EFCAB7: variants seen among roughly 807,000 people sequenced by gnomAD.
The protein encoded by EFCAB7 is EF-hand calcium-binding domain-containing protein 7.
Under a neutral mutation model 77.1 loss-of-function variants are expected in EFCAB7, and 66 were observed. The observed-to-expected ratio is 0.86, with a 90% CI of 0.70 to 1.05. The LOEUF (loss-of-function observed/expected upper bound fraction) is 1.05, where lower values mean the gene tolerates loss of function less well. Ranked by LOEUF, EFCAB7 falls within the 50% of genes least tolerant of loss-of-function variation. The pLI, the probability that EFCAB7 is intolerant of heterozygous loss-of-function variation, is 0.00. For missense variants in EFCAB7, 638 were observed against 730.5 expected, an observed-to-expected ratio of 0.87 and a Z score of 1.46; for synonymous variants, 225 against 243.3, an observed-to-expected ratio of 0.92 and a Z score of 0.70.
At chr1:63,549,253 A>G (rs1451920220) in intron 7 of EFCAB7, 19 of 436,386 alleles carry the variant, frequency 4.4e-5, no homozygotes, top group Non-Finnish European at 7.4e-5. Context: ...AATGAAGACC[A>G]TAATAAAAGA....
Position 63,555,510 on chromosome 1 carries a change from A to G in EFCAB7, c.1209A>G (p.Glu403=). The G allele has an allele frequency of 6.2e-7, 1 of 1,611,336 alleles. No individual in the cohort carries two copies. The highest frequency in any genetic ancestry group is 8.5e-7 in the Non-Finnish European group (1 of 1,178,552). Residue 403 remains glutamate, a synonymous_variant, in exon 9 of 14, where the codon GAA becomes GAG. Transcript: ENST00000371088. ...CAGGGGAATTATTCCTTACAAAGGA[A>G]TTTAAGTAAGTTTTGTTTATTAATG... The part of the protein sequence containing the change: ...DETGELFLTK[E]FKSTLSDIFE...
downstream of EFCAB7, among the ~76,000 whole-genome samples, chr1:63,574,438 G>A (rs2100934894): frequency 6.6e-6 from 1 of 152,308 alleles, no homozygotes; most frequent in Admixed American, 6.5e-5. Context: ...AAGTTTCAGT[G>A]AGGGAGTAGG....
At chr1:63,531,487 A>G (rs1485945811) in intron 2 of EFCAB7, among the ~76,000 whole-genome samples, 1 of 152,082 alleles carries the variant, frequency 6.6e-6, no homozygotes, top group South Asian at 2.1e-4. Context: ...TTAATCTTGT[A>G]TTTCCTTTAG....
At chr1:63,540,653 G>T (rs142581332) in intron 6 of EFCAB7, among the ~76,000 whole-genome samples, 1,869 of 152,142 alleles carry the variant, frequency 0.012, 38 homozygotes, top group African/African-American at 0.043. Context: ...TGATGTTGTT[G>T]AAATATTATA....
At chr1:63,544,700 C>T (rs1646874857) in intron 6 of EFCAB7, among the ~76,000 whole-genome samples, 1 of 152,138 alleles carries the variant, frequency 6.6e-6, no homozygotes, top group South Asian at 2.1e-4. Context: ...CGTGAGCCAC[C>T]GCTCCCGGCC....
intron 11 of EFCAB7, among the ~76,000 whole-genome samples, chr1:63,565,561 A>G (rs926687182): frequency 2.0e-5 from 3 of 152,224 alleles, no homozygotes; most frequent in South Asian, 2.1e-4. Flanking sequence ...GCTTCTGTGC[A>G]GCAAAAGAAA....
At chr1:63,553,021 AAT>A (rs1356801934) in intron 8 of EFCAB7, among the ~76,000 whole-genome samples, 2 of 152,232 alleles carry the variant, frequency 1.3e-5, no homozygotes, top group African/African-American at 4.8e-5. Flanking sequence ...GCAAAATTAT[AAT>A]AGAGTTTGCA....
At chr1:63,561,975 T>A in intron 11 of EFCAB7, 118 bp downstream of exon 11, 1 of 604,008 alleles carries the variant, frequency 1.7e-6, no homozygotes, top group Non-Finnish European at 2.5e-6. Flanking sequence ...CTTTAGTATA[T>A]GAATGAATCC....
the EFCAB7 span, among the ~76,000 whole-genome samples, chr1:63,579,163 A>G: frequency 6.6e-6 from 1 of 152,184 alleles, no homozygotes; most frequent in Non-Finnish European, 1.5e-5. Flanking sequence ...CAGGATACAG[A>G]GCAGTCCCAT....
chr1:63,561,909 C>T (rs753739893), intron 11 of EFCAB7, 52 bp downstream of exon 11: 1 of 1,318,216 alleles, frequency 7.6e-7, no homozygotes, highest in Non-Finnish European at 1.0e-6. Flanking sequence ...TAATATTTTA[C>T]TTTATGAACA....
chr1:63,540,304 C>A (rs1646812681), intron 6 of EFCAB7, among the ~76,000 whole-genome samples: 1 of 141,880 alleles, frequency 7.0e-6, no homozygotes, highest in Non-Finnish European at 1.5e-5. Flanking sequence ...GTGGAGGTGG[C>A]AGTGGGCCGA....
chr1:63,555,331 T>C (rs1389940392), intron 8 of EFCAB7, 27 bp from the exon 9 acceptor site: 1 of 1,584,854 alleles, frequency 6.3e-7, no homozygotes, highest in Admixed American at 1.9e-5. Flanking sequence ...GACTGATGAT[T>C]GTTTTATTTC....
At chr1:63,552,773 A>G (rs549108391) in intron 8 of EFCAB7, among the ~76,000 whole-genome samples, 95 of 152,330 alleles carry the variant, frequency 6.2e-4, no homozygotes, top group African/African-American at 2.2e-3. Context: ...ATGACACACA[A>G]ACATTTCCCT....
At chr1:63,563,319 A>C (rs536960537) in intron 11 of EFCAB7, among the ~76,000 whole-genome samples, 26 of 152,364 alleles carry the variant, frequency 1.7e-4, no homozygotes, top group Admixed American at 4.6e-4. Context: ...TACAGTATAC[A>C]TTGGAAAGTA....
chr1:63,540,200 T>TA (rs1344271248), intron 6 of EFCAB7, among the ~76,000 whole-genome samples: 3 of 151,648 alleles, frequency 2.0e-5, no homozygotes, highest in Non-Finnish European at 1.5e-5. Flanking sequence ...CCATCTCTAC[T>TA]AAAAATACAA....
In EFCAB7 at chr1:63,534,214, A is replaced by C. The variant is rs1372949907; in HGVS notation, c.802A>C (p.Lys268Gln). 1 of 1,611,458 alleles carries C rather than the reference A, an allele frequency of 6.2e-7. No homozygotes were observed. Among genetic ancestry groups the C allele is most frequent in the South Asian group, 1.1e-5 (1 of 90,826 alleles). The stretch of plus-strand genomic sequence containing the variant: ...AAAGTTAATGGAGCCAAATTTAATA[A>C]AGGTATAGTATTTTAAGTTAACAGA... ...NSKLMEPNLI[K>Q]DWQHMQSKGC... Residue 268 changes from lysine to glutamine, a missense_variant and splice_region_variant, in exon 6 of 14, where the codon AAG becomes CAG. Transcript: ENST00000371088.
At chr1:63,533,822 T>C in intron 5 of EFCAB7, among the ~76,000 whole-genome samples, 173 bp downstream of exon 5, 1 of 152,170 alleles carries the variant, frequency 6.6e-6, no homozygotes, top group East Asian at 1.9e-4. Context: ...AAAATTTTAT[T>C]ATGGAACTTG....
chr1:63,542,099 A>C (rs761747205), intron 6 of EFCAB7, among the ~76,000 whole-genome samples: 14 of 151,592 alleles, frequency 9.2e-5, no homozygotes, highest in South Asian at 8.3e-4. Context: ...ATGACTCCCC[A>C]TTTCCCCCTC....
chr1:63,541,291 TACTA>T (rs1315164652), intron 6 of EFCAB7, among the ~76,000 whole-genome samples: 4 of 152,170 alleles, frequency 2.6e-5, no homozygotes, highest in Non-Finnish European at 5.9e-5. Flanking sequence ...TATAAAACAA[TACTA>T]ACCAAATAAT....
Sources: gnomAD v4.1 joint callset for allele counts (sites outside exome capture counted in the v4.1 genomes callset) on GRCh38, gnomAD v4.1.1 for gene constraint, MANE v1.5 for transcripts, NCBI Gene and HGNC (gene_info 2026-07-23, HGNC 2026-07-21) for gene names.